The following TBC1D8 variants were observed in gnomAD, a reference collection of about 807,000 sequenced individuals.
The protein encoded by TBC1D8 is BUB2-like protein 1.
A neutral mutation model predicts 118.8 loss-of-function variants in TBC1D8; 65 were observed. That is an observed-to-expected ratio of 0.55 (90% CI 0.45 to 0.67). The LOEUF (loss-of-function observed/expected upper bound fraction) is 0.67, where lower values mean the gene tolerates loss of function less well. Ranked by LOEUF, TBC1D8 falls within the 30% of genes least tolerant of loss-of-function variation. The pLI is 0.00. For missense variants in TBC1D8, 1,376 were observed against 1,471.2 expected, an observed-to-expected ratio of 0.94 and a Z score of 1.06; for synonymous variants, 566 against 595.8, an observed-to-expected ratio of 0.95 and a Z score of 0.73.
At chr2:101,078,254 C>T (rs180934058) in intron 2 of TBC1D8, among the ~76,000 whole-genome samples, 15 of 152,288 alleles carry the variant, frequency 9.8e-5, no homozygotes, top group Admixed American at 2.6e-4. Flanking sequence ...CTTGAGAAAT[C>T]GGTTCTAAAT....
intron 2 of TBC1D8, among the ~76,000 whole-genome samples, chr2:101,069,300 A>G (rs1357869010): frequency 6.6e-6 from 1 of 152,010 alleles, no homozygotes; most frequent in Non-Finnish European, 1.5e-5. Context: ...CTCAAAAAAA[A>G]AAAAGGCCAG....
intron 17 of TBC1D8, chr2:101,017,786 A>G: frequency 6.6e-7 from 1 of 1,512,720 alleles, no homozygotes; most frequent in Non-Finnish European, 9.0e-7. Flanking sequence ...AATCTTGACA[A>G]GCTCAGGACT....
chr2:101,047,738 G>A (rs1450477533), intron 5 of TBC1D8, among the ~76,000 whole-genome samples: 1 of 152,182 alleles, frequency 6.6e-6, no homozygotes, highest in East Asian at 1.9e-4. Flanking sequence ...GCCAACACCA[G>A]GCCCTTTTTA....
intron 17 of TBC1D8, among the ~76,000 whole-genome samples, chr2:101,013,894 C>G (rs1679421367): frequency 6.6e-6 from 1 of 152,238 alleles, no homozygotes; most frequent in South Asian, 2.1e-4. Context: ...TAGGGCCTTC[C>G]TCTCATCCCT....
rs1229735321 is a variant in TBC1D8 at position 101,039,994 on chromosome 2, G to A, written c.1080+184C>T. Among the ~76,000 whole-genome samples, 5 of 152,094 alleles carry A rather than the reference G, an allele frequency of 3.3e-5. No homozygotes were observed. In the South Asian group the frequency reaches 6.2e-4, roughly 19 times the overall value. On this transcript the variant is annotated intron_variant, in intron 6 of 19. Transcript: ENST00000409318. ...AGCAACAGCAGAAAAAGCAATGGCC[G>A]AATGGGTAATGGTCCAATTCAGGCC...
chr2:101,049,701 CT>C (rs1477861987), intron 5 of TBC1D8, among the ~76,000 whole-genome samples: 1 of 151,736 alleles, frequency 6.6e-6, no homozygotes, highest in Non-Finnish European at 1.5e-5. Flanking sequence ...GTACTCCAGC[CT>C]GGGGGACAGA....
intron 1 of TBC1D8, 60 bp from the exon 2 acceptor site, chr2:101,090,424 C>T (rs550661692): frequency 6.9e-6 from 11 of 1,585,756 alleles, no homozygotes; most frequent in African/African-American, 1.4e-5. Flanking sequence ...GCTCCTCATG[C>T]GTGTGAGGCA....
chr2:101,116,103 A>G (rs982046906), intron 1 of TBC1D8, among the ~76,000 whole-genome samples: 1 of 152,170 alleles, frequency 6.6e-6, no homozygotes, highest in Non-Finnish European at 1.5e-5. Context: ...AATCTCCACC[A>G]ATCTTACCCC....
At chr2:101,061,197 A>AAG (rs1682735195) in intron 2 of TBC1D8, among the ~76,000 whole-genome samples, 1 of 151,010 alleles carries the variant, frequency 6.6e-6, no homozygotes, top group African/African-American at 2.4e-5. Context: ...CAAAAAAAAA[A>AAG]AAAAAAAAAA....
At chr2:101,024,611 T>C (rs1680229231) in intron 15 of TBC1D8, among the ~76,000 whole-genome samples, 1 of 152,094 alleles carries the variant, frequency 6.6e-6, no homozygotes, top group Non-Finnish European at 1.5e-5. Flanking sequence ...TTCACCATGT[T>C]GGTCAGGCTG....
At chr2:101,051,694 C>T in intron 4 of TBC1D8, among the ~76,000 whole-genome samples, 1 of 151,734 alleles carries the variant, frequency 6.6e-6, no homozygotes, top group Non-Finnish European at 1.5e-5. Flanking sequence ...GGCCAACAAG[C>T]ATATGGAAAA....
chr2:101,017,965 T>C lies in TBC1D8; in HGVS notation c.2827+3716A>G, dbSNP rs1679776714. ...TTCTTCTCTACTTGGTGAAAAGTCA[T>C]TATAGAGGATTCGAACGGTTCCAAT... On this transcript the variant is annotated intron_variant, in intron 17 of 19. Coordinates refer to ENST00000409318, the MANE Select transcript of TBC1D8 (RefSeq NM_001330348.2). 5 of 1,546,024 alleles carry C rather than the reference T, an allele frequency of 3.2e-6. No individual in the cohort carries two copies. The South Asian group carries it at 6.0e-5, about 18-fold the overall frequency.
chr2:101,040,663 T>C (rs1233932371), intron 5 of TBC1D8, among the ~76,000 whole-genome samples: 1 of 151,602 alleles, frequency 6.6e-6, no homozygotes, highest in African/African-American at 2.4e-5. Flanking sequence ...AGAGATGGGG[T>C]TTTGCCATGT....
At chr2:101,014,630 G>A (rs1203841717) in intron 17 of TBC1D8, among the ~76,000 whole-genome samples, 1 of 152,126 alleles carries the variant, frequency 6.6e-6, no homozygotes, top group African/African-American at 2.4e-5. Flanking sequence ...CCCCTATGCC[G>A]TTTGGGCCAT....
chr2:101,091,964 T>C (rs552687043), intron 1 of TBC1D8, among the ~76,000 whole-genome samples: 24 of 152,336 alleles, frequency 1.6e-4, no homozygotes, highest in Non-Finnish European at 2.8e-4. Flanking sequence ...ATATATTTAG[T>C]ACAAACACAG....
chr2:101,129,632 G>A (rs966613129), intron 1 of TBC1D8, among the ~76,000 whole-genome samples: 12 of 151,776 alleles, frequency 7.9e-5, no homozygotes, highest in Non-Finnish European at 1.3e-4. Context: ...GCCCAAGTCC[G>A]TGGCGGCTCA....
At position 101,050,566 on chromosome 2, in the gene TBC1D8, C is replaced by T. The variant is rs568388681; in HGVS notation, c.707G>A (p.Arg236Gln). 29 of 1,613,914 alleles carry T rather than the reference C, an allele frequency of 1.8e-5. No homozygotes were observed. The highest frequency in any genetic ancestry group is 1.5e-4 in the Admixed American group (9 of 60,006). Residue 236 changes from arginine to glutamine, a missense_variant, in exon 5 of 20, where the codon CGA becomes CAA. Physicochemically the swap from Arg to Gln is conservative, Grantham distance 43. Coordinates refer to ENST00000409318, the MANE Select transcript of TBC1D8 (RefSeq NM_001330348.2). Reference sequence around the variant, plus strand: ...ACGCTCCTTATTCTGCGTGGTGATTCGGATGGTATCCGTCAGAAAGACATT... The same window carrying T: ...ACGCTCCTTATTCTGCGTGGTGATTTGGATGGTATCCGTCAGAAAGACATT... ...TSNVFLTDTIRITTQNKERDF... is the reference protein window; with the variant it reads ...TSNVFLTDTIQITTQNKERDF...
Position 101,151,353 on chromosome 2 carries a change from G to T in TBC1D8, c.-100C>A. On this transcript the variant is annotated 5_prime_UTR_variant, in exon 1 of 20. Transcript: ENST00000409318. ...TCGAGAGGCGACGGCGGCGCGCGGG[G>T]ACCACAGCCCGGCCGGTGCCCAGCG... The T allele has an allele frequency of 9.5e-7, 1 of 1,054,298 alleles. No homozygotes were observed. Among genetic ancestry groups the T allele is most frequent in the East Asian group, 5.9e-5 (1 of 17,062 alleles). The allele number at this position is 1,054,298 out of a possible 1,614,324, so 65.3% of individuals were successfully genotyped here.
chr2:101,118,595 G>T (rs1677952217), intron 1 of TBC1D8, among the ~76,000 whole-genome samples: 1 of 151,470 alleles, frequency 6.6e-6, no homozygotes, highest in Non-Finnish European at 1.5e-5. Flanking sequence ...TACTCGGGAG[G>T]TTGAGGCAGG....
Sources: gnomAD v4.1 joint callset for allele counts (sites outside exome capture counted in the v4.1 genomes callset) on GRCh38, gnomAD v4.1.1 for gene constraint, MANE v1.5 for transcripts, NCBI Gene and HGNC (gene_info 2026-07-23, HGNC 2026-07-21) for gene names.